CFAP65: variants seen among roughly 807,000 people sequenced by gnomAD.
The protein encoded by CFAP65 is cilia and flagella associated protein 65, also known as cilia- and flagella-associated protein 65.
A neutral mutation model predicts 208.0 loss-of-function variants in CFAP65; 155 were observed. That is an observed-to-expected ratio of 0.75 (90% confidence interval 0.65 to 0.85). The LOEUF is 0.85. CFAP65 is among the 40% of genes least tolerant of loss of function. The pLI is 0.00. For missense variants in CFAP65, 2,294 were observed against 2,451.3 expected (o/e 0.94, Z 1.36); for synonymous variants, 970 against 986.3 (o/e 0.98, Z 0.31).
chr2:219,026,512 T>C (rs1947642961), intron 13 of CFAP65: 1 of 201,206 alleles, frequency 5.0e-6, no homozygotes, highest in South Asian at 1.8e-4. Flanking sequence ...ATTTTAGATG[T>C]TCAGTAGCCA....
Position 219,023,276 on chromosome 2 carries a change from G to C in CFAP65, c.2751C>G (p.Val917=). ...SRLPLQFEWR[V]SEQHRKLLAV... ...CCAGCAGCTTTCGATGCTGCTCAGA[G>C]ACCCTCCACTCGAACTGCAGGGGCA... Residue 917 remains valine, a synonymous_variant, in exon 16 of 35, where the codon GTC becomes GTG. Coordinates refer to ENST00000341552, the MANE Select transcript of CFAP65 (RefSeq NM_194302.4). The C allele has an allele frequency of 6.2e-7, 1 of 1,613,266 alleles. No individual in the cohort carries two copies. The highest frequency in any genetic ancestry group is 1.1e-5 in the South Asian group (1 of 90,880).
intron 24 of CFAP65, among the ~76,000 whole-genome samples, chr2:219,012,880 G>C (rs1946579249): frequency 6.6e-6 from 1 of 152,150 alleles, no homozygotes; most frequent in African/African-American, 2.4e-5. Context: ...GCATGTAGTA[G>C]TATAATTATC....
intron 5 of CFAP65, among the ~76,000 whole-genome samples, chr2:219,033,482 A>G (rs71415867): frequency 6.8e-6 from 1 of 146,308 alleles, no homozygotes; most frequent in Non-Finnish European, 1.5e-5. Flanking sequence ...TCTCAAAAAA[A>G]CAAGAAAGAA....
intron 24 of CFAP65, 37 bp downstream of exon 24, chr2:219,013,222 G>T (rs1364428450): frequency 1.5e-6 from 2 of 1,371,454 alleles, no homozygotes; most frequent in Non-Finnish European, 2.1e-6. Context: ...TCAACACTTA[G>T]GCCTTCTTGG....
Position 219,032,348 on chromosome 2 carries a change from G to C in CFAP65, c.645+122C>G, listed in dbSNP as rs1948106255. ...TTGACGGGGCCTCCCAAGCTGGATT[G>C]CTGCTGGAGCGGGCAGCATGTGTGT... is the stretch of plus-strand genomic sequence containing the variant. On this transcript the variant is annotated intron_variant, in intron 6 of 34. Transcript: ENST00000341552. The surrounding 1 kb of genome is among the most constrained non-coding windows in gnomAD (Gnocchi z 5.5). 1.3e-6 allele frequency: 1 copy of C among 776,172 alleles called. No homozygotes were observed. The highest frequency in any genetic ancestry group is 2.7e-5 in the Admixed American group (1 of 36,434). The allele number at this position is 776,172 out of a possible 1,614,324, so 48.1% of individuals were successfully genotyped here. A position where few individuals can be genotyped will look rare whatever the true frequency, so the allele number is the denominator to read the frequency against.
At chr2:219,041,199 A>G (rs1948637732) in intron 1 of CFAP65, among the ~76,000 whole-genome samples, 2 of 152,228 alleles carry the variant, frequency 1.3e-5, no homozygotes, top group Admixed American at 1.3e-4. Flanking sequence ...AATCTCCAAG[A>G]TGACCACTAG....
chr2:219,024,186 C>T lies in CFAP65; in HGVS notation c.2424G>A (p.Leu808=). 32 of 1,614,012 alleles carry T rather than the reference C, an allele frequency of 2.0e-5. No homozygotes were observed. Among genetic ancestry groups the T allele is most frequent in the Non-Finnish European group, 2.7e-5 (32 of 1,180,038 alleles). ...LLLVNKDCKL[L]TFSLAPQRGS... The stretch of plus-strand genomic sequence containing the variant: ...CTCTCTGGGGGGCCAGGCTGAAGGT[C>T]AGCAGCTTGCAGTCTTTGTTGACCA... The change falls in exon 15 of 35, where the codon CTG becomes CTA. Residue 808 remains leucine (L), a synonymous_variant. Transcript: ENST00000341552.
At chr2:219,028,451 A>C in intron 11 of CFAP65, 50 bp from the exon 12 acceptor site, 75 of 832,348 alleles carry the variant, frequency 9.0e-5, no homozygotes, top group Non-Finnish European at 1.3e-4. Context: ...TGGTAGGGCA[A>C]GGGGGGTGCT....
chr2:219,035,803 C>A (rs1948322612), intron 4 of CFAP65, 139 bp from the exon 5 acceptor site: 1 of 1,432,062 alleles, frequency 7.0e-7, no homozygotes, highest in Non-Finnish European at 9.1e-7. Flanking sequence ...ATGATTGACA[C>A]CACCCCTCAC....
At chr2:219,025,155 G>A (rs887189703) in intron 14 of CFAP65, among the ~76,000 whole-genome samples, 7 of 152,222 alleles carry the variant, frequency 4.6e-5, no homozygotes, top group Non-Finnish European at 8.8e-5. Context: ...TGTGTTAGCC[G>A]GTGAGGGAGT....
rs1947239926 is a variant in CFAP65, at chr2:219,021,158, G to T, written c.3253C>A (p.His1085Asn). ...SWTITYSLLSHRDNKAGEKQE... is the reference protein window; with the variant it reads ...SWTITYSLLSNRDNKAGEKQE... ...TGCCAGGCAGTCTAGGTACCTCTGTGGGAAAGGAGAGAGTAGGTGATGGTC... is the reference window on the plus strand; with the variant it reads ...TGCCAGGCAGTCTAGGTACCTCTGTTGGAAAGGAGAGAGTAGGTGATGGTC... Residue 1085 changes from histidine (H) to asparagine (N), a missense_variant, in exon 19 of 35, where the codon CAC becomes AAC. His to Asn is a moderately conservative substitution (Grantham distance 68, BLOSUM62 1). Transcript: ENST00000341552. 2 of 1,561,620 alleles carry T rather than the reference G, an allele frequency of 1.3e-6. No individual in the cohort carries two copies. The highest frequency in any genetic ancestry group is 8.7e-7 in the Non-Finnish European group (1 of 1,151,910).
chr2:219,010,090 G>C lies in CFAP65; in HGVS notation c.4309-5C>G. Reference sequence around the variant, plus strand: ...AGACTGGGACAGGAAGACATTCTGTGGGTGGAGAGCGGAGGTAAAGAAATA... The same window carrying C: ...AGACTGGGACAGGAAGACATTCTGTCGGTGGAGAGCGGAGGTAAAGAAATA... On this transcript the variant is annotated splice_polypyrimidine_tract_variant and splice_region_variant and intron_variant, in intron 26 of 34. Transcript: ENST00000341552. The C allele has an allele frequency of 6.3e-7, 1 of 1,588,692 alleles. No individual in the cohort carries two copies. The highest frequency in any genetic ancestry group is 8.6e-7 in the Non-Finnish European group (1 of 1,166,668).
intron 31 of CFAP65, among the ~76,000 whole-genome samples, 194 bp downstream of exon 31, chr2:219,005,827 G>A (rs985619720): frequency 2.5e-4 from 38 of 152,322 alleles, no homozygotes; most frequent in African/African-American, 8.9e-4. Flanking sequence ...AGGGGGCTCT[G>A]GCTGCTTTGT....
At chr2:219,021,119 G>A (rs1464369952) in intron 19 of CFAP65, 33 bp downstream of exon 19, 2 of 1,475,892 alleles carry the variant, frequency 1.4e-6, no homozygotes, top group African/African-American at 1.4e-5. Flanking sequence ...CATTTCCCCG[G>A]CCCCGACTCT....
In CFAP65 at chr2:219,028,281, G is replaced by C. The variant is rs1461859268; in HGVS notation, c.1771C>G (p.Pro591Ala). 6.2e-7 allele frequency: 1 copy of C among 1,614,084 alleles called. No homozygotes were observed. Among genetic ancestry groups the C allele is most frequent in the Non-Finnish European group, 8.5e-7 (1 of 1,180,000 alleles). ...AGCATGGCATCCAGGATGTCAGGGGGGTAGAGCGTCAGGCCCCGGGCCAGG... is the reference window on the plus strand; with the variant it reads ...AGCATGGCATCCAGGATGTCAGGGGCGTAGAGCGTCAGGCCCCGGGCCAGG... Reference protein sequence around the residue: ...THLARGLTLYPPDILDAMLKE... With the variant: ...THLARGLTLYAPDILDAMLKE... The change falls in exon 12 of 35, where the codon CCC becomes GCC. Residue 591 changes from proline to alanine, a missense_variant. This residue lies in a region of CFAP65 where 867 missense variants were observed against 1,012.6 expected (regional missense o/e 0.86). Coordinates refer to ENST00000341552, the MANE Select transcript of CFAP65 (RefSeq NM_194302.4).
At chr2:219,039,230 C>G in intron 2 of CFAP65, 180 bp from the exon 3 acceptor site, 1 of 466,122 alleles carries the variant, frequency 2.1e-6, no homozygotes, top group Non-Finnish European at 3.7e-6. Context: ...GGAATGGCCA[C>G]AGTTTTCACC....
At chr2:219,024,474 G>GC (rs1947491043) in intron 14 of CFAP65, among the ~76,000 whole-genome samples, 1 of 83,180 alleles carries the variant, frequency 1.2e-5, no homozygotes, top group African/African-American at 1.1e-4. Context: ...CCAGAAAGGG[G>GC]CGGGGGGGGG....
chr2:219,010,451 T>C, intron 26 of CFAP65, 95 bp downstream of exon 26: 4 of 1,337,388 alleles, frequency 3.0e-6, no homozygotes, highest in Non-Finnish European at 4.1e-6. Context: ...CTACATCTCA[T>C]GTCCCTCCCA....
rs1391716613 is a variant in CFAP65, at chr2:219,031,203, G to T, written c.918C>A (p.Thr306=). Residue 306 remains threonine (T), a synonymous_variant, in exon 8 of 35, where the codon ACC becomes ACA. Coordinates refer to ENST00000341552, the MANE Select transcript of CFAP65 (RefSeq NM_194302.4). This position sits in a 1 kb window ranked among gnomAD's most constrained non-coding sequence, Gnocchi z 5.2. Reference sequence around the variant, plus strand: ...AGATGACGGCTGTAAGGGGCTGAAAGGTCACCTTGATCTGAGAGGCCTGGC... The same window carrying T: ...AGATGACGGCTGTAAGGGGCTGAAATGTCACCTTGATCTGAGAGGCCTGGC... ...EPGQASQIKV[T]FQPLTAVIYE... 6.2e-7 allele frequency: 1 copy of T among 1,613,516 alleles called. No homozygotes were observed. Among genetic ancestry groups the T allele is most frequent in the East Asian group, 2.2e-5 (1 of 44,866 alleles).
Sources: allele counts gnomAD v4.1 joint callset (sites outside exome capture counted in the v4.1 genomes callset), GRCh38; gene constraint gnomAD v4.1.1; regional missense constraint gnomAD v4.1.1; non-coding constraint Gnocchi (gnomAD v3.1); transcripts MANE v1.5; gene names NCBI Gene and HGNC (gene_info 2026-07-23, HGNC 2026-07-21).